The following AGBL1 variants were observed in gnomAD, a reference collection of about 807,000 sequenced individuals.
The protein encoded by AGBL1 is cytosolic carboxypeptidase 4.
In AGBL1, 130 loss-of-function variants were observed where a neutral mutation model predicts 118.9. The observed-to-expected ratio is 1.09, with a 90% CI of 0.95 to 1.26. AGBL1 has a LOEUF of 1.26. Ranked by LOEUF, AGBL1 falls within the 50% of genes most tolerant of loss-of-function variation. AGBL1 has a pLI of 0.00. For synonymous variants in AGBL1, 555 were observed against 478.9 expected (o/e 1.16, Z -2.08); for missense variants, 1,584 against 1,298.1 (o/e 1.22, Z -3.38).
At chr15:86,409,683 G>T (rs764748425) in intron 18 of AGBL1, among the ~76,000 whole-genome samples, 1 of 152,040 alleles carries the variant, frequency 6.6e-6, no homozygotes, top group South Asian at 2.1e-4. Flanking sequence ...GTAGTTGATG[G>T]GTTTCCCCCC....
At position 86,702,670 on chromosome 15, in the gene AGBL1, C is replaced by G. The variant is rs183367212; in HGVS notation, c.3158+28234C>G. Among the ~76,000 whole-genome samples the G allele has an allele frequency of 7.2e-5, 11 of 152,254 alleles. No homozygotes were observed. The South Asian group carries it at 2.3e-3, about 32-fold the overall frequency. ...TTTGTAACAAGTAGTACATTTCTCT[C>G]TCCACCTTTAAACTCTTTTCTCCCT... On this transcript the variant is annotated intron_variant, in intron 22 of 22. Transcript: ENST00000614907.
At chr15:86,799,904 T>C (rs1374042094) in intron 22 of AGBL1, among the ~76,000 whole-genome samples, 2 of 152,078 alleles carry the variant, frequency 1.3e-5, no homozygotes, top group Non-Finnish European at 2.9e-5. Context: ...GATTGGAAAA[T>C]TAAGGCTCCA....
At chr15:86,447,516 T>C (rs1439572256) in intron 18 of AGBL1, among the ~76,000 whole-genome samples, 1 of 152,120 alleles carries the variant, frequency 6.6e-6, no homozygotes, top group Non-Finnish European at 1.5e-5. Flanking sequence ...TTGAAATCTA[T>C]GTCTAGGTAT....
intron 24 of AGBL1, among the ~76,000 whole-genome samples, chr15:87,027,302 A>G (rs1438124797): frequency 6.6e-6 from 1 of 152,024 alleles, no homozygotes; most frequent in African/African-American, 2.4e-5. Flanking sequence ...AAGATTGCAG[A>G]GAAAAAGAAG....
chr15:86,540,107 T>C (rs780472151), intron 19 of AGBL1, among the ~76,000 whole-genome samples: 2 of 152,206 alleles, frequency 1.3e-5, no homozygotes, highest in Non-Finnish European at 2.9e-5. Flanking sequence ...AGCATAATAA[T>C]AGCACCTACT....
intron 7 of AGBL1, among the ~76,000 whole-genome samples, chr15:86,250,265 C>G (rs2078789895): frequency 6.6e-6 from 1 of 151,918 alleles, no homozygotes; most frequent in South Asian, 2.1e-4. Flanking sequence ...TGGCTCATGC[C>G]TGTAATCCCA....
intron 17 of AGBL1, among the ~76,000 whole-genome samples, chr15:86,361,071 T>C (rs75796041): frequency 0.021 from 3,265 of 152,120 alleles, 110 homozygotes; most frequent in African/African-American, 0.075. Context: ...TTGAGATCTT[T>C]CTTCTTTTAT....
At chr15:86,808,105 T>C (rs925690497) in intron 22 of AGBL1, among the ~76,000 whole-genome samples, 1 of 152,190 alleles carries the variant, frequency 6.6e-6, no homozygotes. Flanking sequence ...GTGATTTCCC[T>C]CCTGTTTCTC....
chr15:86,342,948 A>C (rs558350050), intron 17 of AGBL1, among the ~76,000 whole-genome samples: 2 of 152,338 alleles, frequency 1.3e-5, no homozygotes, highest in African/African-American at 4.8e-5. Context: ...GCTCACATCA[A>C]ACTGGCAATG....
intron 22 of AGBL1, among the ~76,000 whole-genome samples, chr15:86,827,422 T>C (rs28499254): frequency 0.053 from 500 of 9,354 alleles, 132 homozygotes; most frequent in East Asian, 0.53. Context: ...TATATATATA[T>C]ATATATACAC....
intron 20 of AGBL1, 124 bp downstream of exon 20, chr15:86,546,257 T>C: frequency 1.7e-6 from 2 of 1,151,152 alleles, no homozygotes; most frequent in East Asian, 5.3e-5. Context: ...ATTTTAATTA[T>C]TCTAACCATA....
intron 6 of AGBL1, among the ~76,000 whole-genome samples, chr15:86,234,363 C>G (rs532950730): frequency 2.6e-5 from 4 of 151,842 alleles, no homozygotes; most frequent in South Asian, 2.1e-4. Flanking sequence ...CCAGCCTGAC[C>G]AATATGGTGA....
At chr15:86,493,323 G>A (rs140189730) in intron 18 of AGBL1, among the ~76,000 whole-genome samples, 260 of 152,178 alleles carry the variant, frequency 1.7e-3, no homozygotes, top group Non-Finnish European at 2.9e-3. Flanking sequence ...TTTGGGGGCT[G>A]GGTAGATGGT....
chr15:86,844,955 C>CT (rs2079298767), intron 22 of AGBL1, among the ~76,000 whole-genome samples: 2 of 151,942 alleles, frequency 1.3e-5, no homozygotes, highest in South Asian at 4.2e-4. Context: ...TATTGGTTAG[C>CT]TTTTTTCCCA....
intron 18 of AGBL1, among the ~76,000 whole-genome samples, chr15:86,522,326 T>G (rs2142200027): frequency 6.6e-6 from 1 of 152,294 alleles, no homozygotes; most frequent in Non-Finnish European, 1.5e-5. Context: ...ATGGCCTAGA[T>G]CTCCAGCCAT....
At chr15:86,403,141 G>T (rs746075389) in intron 18 of AGBL1, among the ~76,000 whole-genome samples, 5 of 152,128 alleles carry the variant, frequency 3.3e-5, no homozygotes, top group Non-Finnish European at 5.9e-5. Flanking sequence ...AGGTAGACAT[G>T]ATGTATAAAT....
At chr15:86,570,230 A>G (rs369889217) in intron 21 of AGBL1, among the ~76,000 whole-genome samples, 4 of 152,196 alleles carry the variant, frequency 2.6e-5, no homozygotes, top group East Asian at 1.9e-4. Flanking sequence ...TATTGATACC[A>G]GTGGGCTGGG....
chr15:86,660,072 G>T (rs192302955), intron 21 of AGBL1, among the ~76,000 whole-genome samples: 1 of 151,652 alleles, frequency 6.6e-6, no homozygotes, highest in Non-Finnish European at 1.5e-5. Context: ...TATGAATTTA[G>T]CATATTCCCT....
intron 5 of AGBL1, among the ~76,000 whole-genome samples, chr15:86,195,187 G>T (rs1158540265): frequency 6.6e-6 from 1 of 152,136 alleles, no homozygotes; most frequent in Non-Finnish European, 1.5e-5. Context: ...GAGTTTTATA[G>T]ATCTATAGGA....
Sources: allele counts gnomAD v4.1 joint callset (sites outside exome capture counted in the v4.1 genomes callset), GRCh38; gene constraint gnomAD v4.1.1; transcripts MANE v1.5; gene names NCBI Gene and HGNC (gene_info 2026-07-23, HGNC 2026-07-21).